Variants in ASCC3 observed in about 807,000 individuals in gnomAD.
The protein encoded by ASCC3 is ASC-1 complex subunit P200.
ASCC3 carries 158 observed loss-of-function variants against 256.3 expected under a neutral mutation model. The observed-to-expected ratio is 0.62, with a 90% confidence interval of 0.54 to 0.70. ASCC3 has a LOEUF of 0.70. Ranked by LOEUF, ASCC3 falls within the 30% of genes least tolerant of loss-of-function variation. The probability of loss-of-function intolerance (pLI) is 0.00; values close to 1 mark genes in which losing one functional copy is unlikely to be tolerated. For missense variants in ASCC3, 2,259 were observed against 2,626.0 expected (o/e 0.86, Z 3.05); for synonymous variants, 948 against 883.4 (o/e 1.07, Z -1.30).
chr6:100,546,865 T>C (rs1318290677), intron 36 of ASCC3, among the ~76,000 whole-genome samples: 4 of 152,234 alleles, frequency 2.6e-5, no homozygotes, highest in East Asian at 1.9e-4. Flanking sequence ...CACAATCATA[T>C]ACTTAGGTAC....
chr6:100,520,520 C>T (rs1774252493), intron 37 of ASCC3, among the ~76,000 whole-genome samples: 1 of 151,626 alleles, frequency 6.6e-6, no homozygotes, highest in Non-Finnish European at 1.5e-5. Flanking sequence ...AAGTCTCATT[C>T]AAATGCTACT....
chr6:100,650,749 G>T, intron 19 of ASCC3, 35 bp from the exon 20 acceptor site: 2 of 1,537,128 alleles, frequency 1.3e-6, no homozygotes, highest in Non-Finnish European at 1.8e-6. Flanking sequence ...GAATTTTGGG[G>T]CTGATTTATT....
chr6:100,694,309 A>AT (rs1777974683), intron 13 of ASCC3, among the ~76,000 whole-genome samples: 1 of 149,482 alleles, frequency 6.7e-6, no homozygotes, highest in Non-Finnish European at 1.5e-5. Flanking sequence ...TCTAGAATAA[A>AT]TTAAAAAAAA....
rs763890601 is a variant in ASCC3 at position 100,848,192 on chromosome 6, C to A, written c.757G>T (p.Asp253Tyr). Residue 253 changes from aspartate to tyrosine, a missense_variant, in exon 4 of 42, where the codon GAT (aspartate) becomes TAT (tyrosine). Physicochemically the swap from Asp to Tyr is radical, Grantham distance 160. Around this residue, in one of 2 missense-constraint regions of ASCC3, gnomAD observed 420 missense variants for 419.3 expected, o/e 1.00. Coordinates refer to ENST00000369162, the MANE Select transcript of ASCC3 (RefSeq NM_006828.4). ...CCACTTTTAATAGAAGCAAGCATAT[C>A]ATATAAAGTACAGCAAAGATCTTCT... ...RVEDLCCTLY[D>Y]MLASIKSGDE... 9.3e-6 allele frequency: 15 copies of A among 1,606,610 alleles called. No homozygotes were observed. The highest frequency in any genetic ancestry group is 2.2e-5 in the East Asian group (1 of 44,814).
chr6:100,651,590 G>T lies in ASCC3; in HGVS notation c.3045C>A (p.Val1015=). ...HKTEGDIFAI[V]SKAEEFDQIK... is the part of the protein sequence containing the mutation. Reference sequence around the variant, plus strand: ...TTTGATCAAATTCTTCAGCTTTGGAGACTATGGCAAAGATATCACCTTCTG... The same window carrying T: ...TTTGATCAAATTCTTCAGCTTTGGATACTATGGCAAAGATATCACCTTCTG... The change falls in exon 19 of 42, where the codon GTC becomes GTA. Residue 1015 remains valine, a synonymous_variant. Transcript: ENST00000369162. 2 of 1,584,862 alleles carry T rather than the reference G, an allele frequency of 1.3e-6. No individual in the cohort carries two copies. The highest frequency in any genetic ancestry group is 1.2e-5 in the South Asian group (1 of 85,174).
intron 10 of ASCC3, among the ~76,000 whole-genome samples, chr6:100,764,330 T>G (rs1229775227): frequency 6.6e-6 from 1 of 152,140 alleles, no homozygotes; most frequent in African/African-American, 2.4e-5. Flanking sequence ...GGGCAAGATT[T>G]GGACAAATGT....
At chr6:100,759,169 T>A (rs1347430569) in intron 10 of ASCC3, among the ~76,000 whole-genome samples, 1 of 152,138 alleles carries the variant, frequency 6.6e-6, no homozygotes, top group Admixed American at 6.6e-5. Context: ...TTGCAAAAAT[T>A]TTCTCCCATT....
At position 100,617,568 on chromosome 6, in the gene ASCC3, C is replaced by T. The variant is rs370065629; in HGVS notation, c.4785+7624G>A. 1.6e-4 allele frequency among the ~76,000 whole-genome samples: 25 copies of T among 152,288 alleles called. No homozygotes were observed. The South Asian group carries it at 4.8e-3, about 29-fold the overall frequency. ...CTTCTATTTTCACCTCCTTGCCCCC[C>T]TCATTTGCTCCTCAGTCTATTCCAA... On this transcript the variant is annotated intron_variant, in intron 30 of 41. Coordinates refer to ENST00000369162, the MANE Select transcript of ASCC3 (RefSeq NM_006828.4).
At position 100,848,268 on chromosome 6, in the gene ASCC3, A is replaced by G. The variant is rs1184323918; in HGVS notation, c.681T>C (p.Val227=). The change falls in exon 4 of 42, where the codon GTT becomes GTC. Residue 227 remains valine (V), a synonymous_variant. Transcript: ENST00000369162. The part of the protein sequence containing the change: ...KTNGSFLWCE[V]EKYLNSTLKE... ...TCAAAGTTGAATTTAGGTACTTTTC[A>G]ACTTCACACCACAAAAAGGAGCCAT... is the stretch of plus-strand genomic sequence containing the variant. 3 of 1,613,984 alleles carry G rather than the reference A, an allele frequency of 1.9e-6. No individual in the cohort carries two copies. Among genetic ancestry groups the G allele is most frequent in the Non-Finnish European group, 2.5e-6 (3 of 1,180,018 alleles).
intron 1 of ASCC3, among the ~76,000 whole-genome samples, chr6:100,873,172 T>C (rs1459157818): frequency 2.0e-5 from 3 of 152,092 alleles, no homozygotes; most frequent in South Asian, 4.1e-4. Context: ...TTCAGTGACA[T>C]AGACAACATA....
At position 100,667,262 on chromosome 6, in the gene ASCC3, T is replaced by C. The variant is rs371647351; in HGVS notation, c.2287-4726A>G. Reference sequence around the variant, plus strand: ...GAGTCTTGAAGGACAAGGGATAAACTGCTAAATGGGGAAAGGTAGGCAGCA... The same window carrying C: ...GAGTCTTGAAGGACAAGGGATAAACCGCTAAATGGGGAAAGGTAGGCAGCA... On this transcript the variant is annotated intron_variant, in intron 14 of 41. Transcript: ENST00000369162. 1.8e-4 allele frequency among the ~76,000 whole-genome samples: 28 copies of C among 152,224 alleles called. No individual in the cohort carries two copies. In the South Asian group the frequency reaches 2.3e-3, roughly 12 times the overall value.
At chr6:100,775,357 T>C (rs1782139382) in intron 8 of ASCC3, among the ~76,000 whole-genome samples, 1 of 151,998 alleles carries the variant, frequency 6.6e-6, no homozygotes, top group African/African-American at 2.4e-5. Context: ...TCTGGAAACA[T>C]CTCTAAAAGA....
At chr6:100,602,891 C>A (rs900247208) in intron 33 of ASCC3, among the ~76,000 whole-genome samples, 2 of 151,914 alleles carry the variant, frequency 1.3e-5, no homozygotes, top group African/African-American at 2.4e-5. Context: ...ATAGTTTTTG[C>A]AAAGGACACG....
chr6:100,518,239 C>G, intron 37 of ASCC3, 97 bp from the exon 38 acceptor site: 4 of 1,330,522 alleles, frequency 3.0e-6, no homozygotes, highest in Non-Finnish European at 4.2e-6. Flanking sequence ...AACAAAGAAA[C>G]CAAGCATTGT....
intron 10 of ASCC3, among the ~76,000 whole-genome samples, chr6:100,766,206 G>A (rs539830875): frequency 1.3e-5 from 2 of 152,170 alleles, no homozygotes; most frequent in East Asian, 3.9e-4. Context: ...GGAATAGTTT[G>A]GAATACTAGT....
intron 1 of ASCC3, among the ~76,000 whole-genome samples, chr6:100,872,468 T>TGA (rs143508317): frequency 8.1e-6 from 1 of 123,672 alleles, no homozygotes; most frequent in African/African-American, 3.1e-5. Flanking sequence ...AAAAAAAGGG[T>TGA]CGGGGGGGGA....
At chr6:100,748,286 G>A (rs1780779137) in intron 10 of ASCC3, among the ~76,000 whole-genome samples, 1 of 151,792 alleles carries the variant, frequency 6.6e-6, no homozygotes, top group African/African-American at 2.4e-5. Flanking sequence ...ATACTTTGGG[G>A]CTATGTTTCA....
At chr6:100,721,771 T>C (rs991089308) in intron 11 of ASCC3, among the ~76,000 whole-genome samples, 3 of 147,516 alleles carry the variant, frequency 2.0e-5, no homozygotes, top group African/African-American at 7.4e-5. Context: ...ACTTTTTAAT[T>C]AGGTCCTACT....
chr6:100,638,692 T>C lies in ASCC3; in HGVS notation c.4031A>G (p.Asn1344Ser), dbSNP rs1398470864. Reference protein sequence around the residue: ...IFHTLYHTDCNVLLGAPTGSG... With the variant: ...IFHTLYHTDCSVLLGAPTGSG... ...TCCAGTAGGTGCTCCAAGTAGGACA[T>C]TACAATCCGTGTGATACAATGTATG... The change falls in exon 25 of 42, where the codon AAT (asparagine) becomes AGT (serine). Residue 1344 changes from asparagine to serine, a missense_variant. Physicochemically the swap from Asn to Ser is conservative, Grantham distance 46 (BLOSUM62 1). Coordinates refer to ENST00000369162, the MANE Select transcript of ASCC3 (RefSeq NM_006828.4). 3 of 1,614,076 alleles carry C rather than the reference T, an allele frequency of 1.9e-6. No individual in the cohort carries two copies. Among genetic ancestry groups the C allele is most frequent in the Admixed American group, 1.7e-5 (1 of 60,010 alleles).
Sources: gnomAD v4.1 joint callset for allele counts (sites outside exome capture counted in the v4.1 genomes callset) on GRCh38, gnomAD v4.1.1 for gene constraint, gnomAD v4.1.1 regional missense constraint, MANE v1.5 for transcripts, NCBI Gene and HGNC (gene_info 2026-07-23, HGNC 2026-07-21) for gene names.